CNBD1: variants seen among roughly 807,000 people sequenced by gnomAD.
The protein encoded by CNBD1 is cyclic nucleotide binding domain containing 1.
In CNBD1, 71 loss-of-function variants were observed where a neutral mutation model predicts 54.4. The ratio of observed to expected loss-of-function variants is 1.30; its 90% CI spans 1.08 to 1.59. The LOEUF (loss-of-function observed/expected upper bound fraction) is 1.59. CNBD1 is among the 40% of genes most tolerant of loss of function. CNBD1 has a pLI of 0.00. For missense variants in CNBD1, 659 were observed against 518.0 expected, an observed-to-expected ratio of 1.27 and a Z score of -2.64; for synonymous variants, 182 against 170.7, an observed-to-expected ratio of 1.07 and a Z score of -0.51.
At chr8:87,036,744 C>G (rs1809959076) in intron 4 of CNBD1, among the ~76,000 whole-genome samples, 1 of 151,558 alleles carries the variant, frequency 6.6e-6, no homozygotes, top group African/African-American at 2.4e-5. Flanking sequence ...ATTTGTCTTT[C>G]AATTGTTCAA....
chr8:87,267,353 A>G (rs898076219), intron 6 of CNBD1, among the ~76,000 whole-genome samples: 1 of 152,120 alleles, frequency 6.6e-6, no homozygotes, highest in African/African-American at 2.4e-5. Context: ...CTTACACCAA[A>G]TTGGCAAATG....
At chr8:87,154,578 A>G (rs116415776) in intron 4 of CNBD1, among the ~76,000 whole-genome samples, 2,153 of 152,340 alleles carry the variant, frequency 0.014, 50 homozygotes, top group African/African-American at 0.049. Context: ...TACAATGCCT[A>G]TTAGTGCAGT....
intron 6 of CNBD1, among the ~76,000 whole-genome samples, chr8:87,250,078 A>C (rs1232747831): frequency 3.3e-5 from 5 of 152,200 alleles, no homozygotes; most frequent in Non-Finnish European, 7.4e-5. Flanking sequence ...CACCCATTTT[A>C]AAAGGGATTA....
intron 4 of CNBD1, among the ~76,000 whole-genome samples, chr8:87,154,221 T>C (rs1363774850): frequency 2.0e-5 from 3 of 152,030 alleles, no homozygotes; most frequent in Non-Finnish European, 4.4e-5. Flanking sequence ...GAAAGTGAAA[T>C]AAAAGGATGA....
At chr8:87,194,809 G>T (rs1049244215) in intron 4 of CNBD1, among the ~76,000 whole-genome samples, 1 of 151,856 alleles carries the variant, frequency 6.6e-6, no homozygotes, top group Non-Finnish European at 1.5e-5. Flanking sequence ...TGTTTTGTGT[G>T]CATATGTATG....
intron 2 of CNBD1, among the ~76,000 whole-genome samples, chr8:86,888,375 T>C: frequency 6.6e-6 from 1 of 152,182 alleles, no homozygotes; most frequent in East Asian, 1.9e-4. Context: ...CATTTTCCCC[T>C]GTGCATTGCT....
At chr8:86,975,930 G>A (rs1351553964) in intron 4 of CNBD1, among the ~76,000 whole-genome samples, 1 of 151,894 alleles carries the variant, frequency 6.6e-6, no homozygotes, top group African/African-American at 2.4e-5. Flanking sequence ...ATTTTAACAG[G>A]TGTGAGGTGA....
At chr8:86,935,049 A>G (rs1809522251) in intron 3 of CNBD1, among the ~76,000 whole-genome samples, 1 of 150,202 alleles carries the variant, frequency 6.7e-6, no homozygotes, top group African/African-American at 2.5e-5. Context: ...TTATTTATTT[A>G]TTTTGAGACA....
chr8:87,289,720 C>T (rs1406868313), intron 8 of CNBD1, among the ~76,000 whole-genome samples: 1 of 152,054 alleles, frequency 6.6e-6, no homozygotes, highest in African/African-American at 2.4e-5. Context: ...AAAATTATAT[C>T]TAGTTATCTC....
intron 8 of CNBD1, among the ~76,000 whole-genome samples, chr8:87,312,136 G>A (rs961740376): frequency 2.0e-5 from 3 of 152,058 alleles, no homozygotes; most frequent in East Asian, 1.9e-4. Flanking sequence ...TCTAATTTAG[G>A]CATTTTTCCT....
At chr8:87,104,466 G>C (rs1811493165) in intron 4 of CNBD1, among the ~76,000 whole-genome samples, 1 of 152,198 alleles carries the variant, frequency 6.6e-6, no homozygotes, top group African/African-American at 2.4e-5. Context: ...GATTCTGGCA[G>C]GACTTGGTAT....
chr8:87,255,343 T>G (rs1028684822), intron 6 of CNBD1, among the ~76,000 whole-genome samples: 2 of 152,124 alleles, frequency 1.3e-5, no homozygotes, highest in Admixed American at 6.6e-5. Context: ...AAAAATGTAC[T>G]GAGTAGTTAT....
At position 86,934,044 on chromosome 8, in the gene CNBD1, A is replaced by G. The variant is rs758701967; in HGVS notation, c.273-5552A>G. Reference sequence around the variant, plus strand: ...TTAAACAAAAATTTAGTATCTATAGAAGTTTATTTTACAGGAGAATGCCTG... The same window carrying G: ...TTAAACAAAAATTTAGTATCTATAGGAGTTTATTTTACAGGAGAATGCCTG... On this transcript the variant is annotated intron_variant, in intron 3 of 10. Transcript: ENST00000518476. 9.2e-5 allele frequency among the ~76,000 whole-genome samples: 14 copies of G among 152,118 alleles called. 1 individual carries two copies. Among genetic ancestry groups the G allele is most frequent in the Admixed American group, 5.9e-4 (9 of 15,260 alleles).
intron 6 of CNBD1, among the ~76,000 whole-genome samples, chr8:87,245,199 A>G (rs905923770): frequency 6.6e-6 from 1 of 152,086 alleles, no homozygotes; most frequent in Non-Finnish European, 1.5e-5. Context: ...TGTGTGCTGT[A>G]ACTAAAAACA....
chr8:87,113,012 C>T (rs1586265015), intron 4 of CNBD1, among the ~76,000 whole-genome samples: 1 of 152,184 alleles, frequency 6.6e-6, no homozygotes, highest in South Asian at 2.1e-4. Context: ...ACAGTTCAAC[C>T]TGATCCCATA....
intron 4 of CNBD1, among the ~76,000 whole-genome samples, chr8:86,953,922 T>A (rs1381050757): frequency 1.3e-5 from 2 of 152,178 alleles, no homozygotes; most frequent in African/African-American, 4.8e-5. Flanking sequence ...TGTTTATCAC[T>A]CCTTTGGACA....
intron 8 of CNBD1, among the ~76,000 whole-genome samples, chr8:87,309,538 T>G (rs1195710731): frequency 1.3e-5 from 2 of 152,134 alleles, no homozygotes; most frequent in Non-Finnish European, 2.9e-5. Context: ...CTGTGGGAAT[T>G]TTCTAGAATT....
intron 4 of CNBD1, among the ~76,000 whole-genome samples, chr8:87,118,248 G>A (rs1180899487): frequency 6.8e-6 from 1 of 147,368 alleles, no homozygotes; most frequent in African/African-American, 2.5e-5. Flanking sequence ...TCAGGAGGCG[G>A]AGGTTGCAGT....
intron 8 of CNBD1, among the ~76,000 whole-genome samples, chr8:87,306,878 C>A (rs1389301738): frequency 6.6e-6 from 1 of 151,980 alleles, no homozygotes. Flanking sequence ...ATCATATAAC[C>A]AAATACCACC....
Sources: gnomAD v4.1 joint callset for allele counts (sites outside exome capture counted in the v4.1 genomes callset) on GRCh38, gnomAD v4.1.1 for gene constraint, MANE v1.5 for transcripts, NCBI Gene and HGNC (gene_info 2026-07-23, HGNC 2026-07-21) for gene names.